The following REDIC1 variants were observed in gnomAD, a reference collection of about 807,000 sequenced individuals.
REDIC1 encodes regulator of DNA class I crossover intermediates 1.
the REDIC1 span, among the ~76,000 whole-genome samples, chr12:39,866,098 T>C: frequency 1.4e-4 from 21 of 152,318 alleles, no homozygotes; most frequent in African/African-American, 3.6e-4. Context: ...GTTTAAAACA[T>C]GGAATTTAGG....
At chr12:39,672,235 G>A in the REDIC1 span, among the ~76,000 whole-genome samples, 1 of 152,136 alleles carries the variant, frequency 6.6e-6, no homozygotes, top group Non-Finnish European at 1.5e-5. Context: ...AAGGGATGGT[G>A]CCAGGCTGGG....
chr12:39,888,804 A>G, the REDIC1 span, among the ~76,000 whole-genome samples: 1 of 151,934 alleles, frequency 6.6e-6, no homozygotes. Context: ...ATAATATTAT[A>G]TTAATAACTG....
At chr12:39,862,413 T>A in the REDIC1 span, among the ~76,000 whole-genome samples, 4 of 152,198 alleles carry the variant, frequency 2.6e-5, no homozygotes, top group African/African-American at 9.7e-5. Flanking sequence ...TTTCTACAAG[T>A]GGACGTGCTG....
chr12:39,766,459 G>C, the REDIC1 span, among the ~76,000 whole-genome samples: 4 of 152,162 alleles, frequency 2.6e-5, no homozygotes, highest in African/African-American at 7.2e-5. Context: ...TCATCTTTTT[G>C]GTGGAGGGTC....
the REDIC1 span, among the ~76,000 whole-genome samples, chr12:39,906,124 A>T: frequency 3.8e-4 from 3 of 7,960 alleles, no homozygotes; most frequent in South Asian, 0.19. Flanking sequence ...ATTCTTGCAG[A>T]TACAGAACTT....
the REDIC1 span, among the ~76,000 whole-genome samples, chr12:39,858,664 T>A: frequency 2.6e-5 from 4 of 152,318 alleles, no homozygotes; most frequent in South Asian, 6.2e-4. Context: ...TGGAGTGCAA[T>A]GGCACGATCT....
At chr12:39,694,364 C>T in the REDIC1 span, among the ~76,000 whole-genome samples, 4 of 152,242 alleles carry the variant, frequency 2.6e-5, no homozygotes, top group African/African-American at 9.6e-5. Flanking sequence ...AGTCTTGAGT[C>T]ACTGACGCCA....
At chr12:39,643,969 G>A in the REDIC1 span, 4 of 1,313,660 alleles carry the variant, frequency 3.0e-6, no homozygotes, top group Non-Finnish European at 4.2e-6. Flanking sequence ...TCATAATAAT[G>A]TTTAGTCTTC....
At chr12:39,808,101 C>A in the REDIC1 span, among the ~76,000 whole-genome samples, 4 of 152,134 alleles carry the variant, frequency 2.6e-5, no homozygotes, top group East Asian at 5.8e-4. Flanking sequence ...TCCATAACAC[C>A]AAAAATTTCC....
the REDIC1 span, among the ~76,000 whole-genome samples, chr12:39,804,364 G>T: frequency 6.6e-6 from 1 of 152,122 alleles, no homozygotes; most frequent in Non-Finnish European, 1.5e-5. Context: ...TATACTTCGA[G>T]CTATGTGAAG....
chr12:39,796,997 T>C, the REDIC1 span, among the ~76,000 whole-genome samples: 1 of 152,210 alleles, frequency 6.6e-6, no homozygotes, highest in Non-Finnish European at 1.5e-5. Flanking sequence ...ATGTTCGACA[T>C]CAGTGTAAAA....
At chr12:39,634,175 T>C in the REDIC1 span, among the ~76,000 whole-genome samples, 1 of 152,148 alleles carries the variant, frequency 6.6e-6, no homozygotes, top group Non-Finnish European at 1.5e-5. Flanking sequence ...TCCTAGGTAT[T>C]TTATTCTCTT....
At chr12:39,823,512 T>TTTTTG in the REDIC1 span, among the ~76,000 whole-genome samples, 4 of 152,200 alleles carry the variant, frequency 2.6e-5, no homozygotes, top group Admixed American at 6.5e-5. Context: ...ATACATTTGG[T>TTTTTG]CTTATGCTAT....
the REDIC1 span, among the ~76,000 whole-genome samples, chr12:39,697,863 G>A: frequency 6.6e-6 from 1 of 151,886 alleles, no homozygotes. Context: ...CCACAAAACG[G>A]CCAAAAAACA....
the REDIC1 span, among the ~76,000 whole-genome samples, chr12:39,751,269 C>A: frequency 6.6e-6 from 1 of 152,216 alleles, no homozygotes; most frequent in African/African-American, 2.4e-5. Flanking sequence ...CAAAAGAAGA[C>A]ATTTATGCAG....
At chr12:39,757,062 A>G in the REDIC1 span, 1 of 151,964 alleles carries the variant, frequency 6.6e-6, no homozygotes, top group East Asian at 1.9e-4. Context: ...GAATGTTTAC[A>G]TTGAAGAAAA....
the REDIC1 span, among the ~76,000 whole-genome samples, chr12:39,629,570 G>T: frequency 6.6e-6 from 1 of 152,128 alleles, no homozygotes; most frequent in Non-Finnish European, 1.5e-5. Flanking sequence ...CTTCAATTTA[G>T]GGACTTTACC....
At chr12:39,781,775 T>C in the REDIC1 span, among the ~76,000 whole-genome samples, 1 of 152,204 alleles carries the variant, frequency 6.6e-6, no homozygotes, top group Non-Finnish European at 1.5e-5. Flanking sequence ...CGTGCTTCTC[T>C]TTAGAATGGG....
the REDIC1 span, among the ~76,000 whole-genome samples, chr12:39,713,109 A>G: frequency 3.5e-4 from 52 of 149,220 alleles, 1 homozygote; most frequent in South Asian, 9.7e-3. Flanking sequence ...GCATATACGT[A>G]TATATGTAGA....
Sources: allele counts gnomAD v4.1 joint callset (sites outside exome capture counted in the v4.1 genomes callset), GRCh38; gene constraint gnomAD v4.1.1; transcripts MANE v1.5; gene names NCBI Gene and HGNC (gene_info 2026-07-23, HGNC 2026-07-21).